CSMD2: variants seen among roughly 807,000 people sequenced by gnomAD.
CSMD2 encodes the protein CUB and sushi domain-containing protein 2.
A neutral mutation model predicts 398.5 loss-of-function variants in CSMD2; 130 were observed. That is an observed-to-expected ratio of 0.33 (90% CI 0.28 to 0.38). The LOEUF (loss-of-function observed/expected upper bound fraction) is 0.38, where lower values mean the gene tolerates loss of function less well. CSMD2 is among the 10% of genes least tolerant of loss of function. The pLI is 1.00. For missense variants in CSMD2, 3,829 were observed against 4,764.9 expected, an observed-to-expected ratio of 0.80 and a Z score of 5.78; for synonymous variants, 1,828 against 1,908.5, an observed-to-expected ratio of 0.96 and a Z score of 1.10.
rs1307866736 is a variant in CSMD2 at position 33,567,101 on chromosome 1, A to G, written c.8380+492T>C. 2.0e-5 allele frequency among the ~76,000 whole-genome samples: 3 copies of G among 151,846 alleles called. No individual in the cohort carries two copies. The East Asian group carries it at 5.8e-4, about 29-fold the overall frequency. On this transcript the variant is annotated intron_variant, in intron 53 of 70. Coordinates refer to ENST00000373381, the MANE Select transcript of CSMD2 (RefSeq NM_001281956.2). ...AAAATTAGAAATGAATAACACAATG[A>G]AAAAAAAGGGCCTTCCACCTAGAAA...
At chr1:33,866,856 T>G (rs1570330842) in intron 5 of CSMD2, among the ~76,000 whole-genome samples, 1 of 152,396 alleles carries the variant, frequency 6.6e-6, no homozygotes, top group Non-Finnish European at 1.5e-5. Flanking sequence ...CCTCATGTTC[T>G]TATCTGTGCA....
intron 44 of CSMD2, among the ~76,000 whole-genome samples, chr1:33,593,853 C>T (rs1223160588): frequency 2.0e-5 from 3 of 152,040 alleles, no homozygotes; most frequent in South Asian, 2.1e-4. Context: ...TTATGTTTTA[C>T]ATGTTTTTTC....
rs548229637 is a variant in CSMD2 at position 34,128,508 on chromosome 1, A to G, written c.187+36403T>C. On this transcript the variant is annotated intron_variant, in intron 1 of 70. Transcript: ENST00000373381. ...TGTCGAAGTGGTGGCAGCTCCACCA[A>G]AAGAGAAGACCTGGGTGTTCAAAGA... 3.9e-5 allele frequency among the ~76,000 whole-genome samples: 6 copies of G among 152,288 alleles called. No individual in the cohort carries two copies. In the South Asian group the frequency reaches 8.3e-4, roughly 21 times the overall value.
intron 1 of CSMD2, among the ~76,000 whole-genome samples, 164 bp from the exon 2 acceptor site, chr1:34,089,357 G>A (rs1053731830): frequency 6.6e-6 from 1 of 152,294 alleles, no homozygotes; most frequent in Non-Finnish European, 1.5e-5. Flanking sequence ...GGTGACTAAC[G>A]TTGATTGTCG....
intron 32 of CSMD2, among the ~76,000 whole-genome samples, chr1:33,630,288 A>AT (rs1326801301): frequency 6.6e-6 from 1 of 152,194 alleles, no homozygotes; most frequent in Non-Finnish European, 1.5e-5. Flanking sequence ...GGAGTTCCTG[A>AT]TTTACACTCT....
chr1:33,523,895 T>C (rs1028085995), intron 66 of CSMD2, among the ~76,000 whole-genome samples: 1 of 152,220 alleles, frequency 6.6e-6, no homozygotes, highest in Non-Finnish European at 1.5e-5. Flanking sequence ...TGTGCATTAA[T>C]ATGTTCATTC....
intron 2 of CSMD2, among the ~76,000 whole-genome samples, chr1:34,066,982 C>G (rs150252242): frequency 6.6e-6 from 1 of 152,160 alleles, no homozygotes; most frequent in Non-Finnish European, 1.5e-5. Flanking sequence ...TATTGGCAAG[C>G]CTGTCATGCC....
chr1:33,812,114 C>T (rs1250426387), intron 9 of CSMD2, among the ~76,000 whole-genome samples: 3 of 152,110 alleles, frequency 2.0e-5, no homozygotes, highest in African/African-American at 7.2e-5. Context: ...GCACTCATTC[C>T]TGCGCTTAGC....
chr1:33,541,006 A>G, intron 59 of CSMD2, 124 bp downstream of exon 59: 2 of 998,596 alleles, frequency 2.0e-6, no homozygotes, highest in Non-Finnish European at 1.5e-6. Flanking sequence ...CACCTTGCAC[A>G]TCCCCTGATA....
Position 33,833,790 on chromosome 1 carries a change from G to C in CSMD2, c.1034-8016C>G, listed in dbSNP as rs552028325. Among the ~76,000 whole-genome samples, 857 of 152,164 alleles carry C rather than the reference G, an allele frequency of 5.6e-3. 5 individuals are homozygous for C. Among genetic ancestry groups the C allele is most frequent in the Admixed American group, 9.2e-3 (140 of 15,284 alleles). On this transcript the variant is annotated intron_variant, in intron 6 of 70. Coordinates refer to ENST00000373381, the MANE Select transcript of CSMD2 (RefSeq NM_001281956.2). ...CCCAAAATCTCCTTAAGCTGATAAG[G>C]AACTTCAGCAGTCTCAGGATACAAA...
At chr1:33,809,930 T>G (rs1245332200) in intron 10 of CSMD2, among the ~76,000 whole-genome samples, 1 of 152,062 alleles carries the variant, frequency 6.6e-6, no homozygotes, top group African/African-American at 2.4e-5. Context: ...ATATAAGATA[T>G]TTAGGAGTAA....
At chr1:33,909,604 G>A (rs902054478) in intron 5 of CSMD2, among the ~76,000 whole-genome samples, 4 of 152,088 alleles carry the variant, frequency 2.6e-5, no homozygotes, top group Admixed American at 6.5e-5. Flanking sequence ...TTGAATGATT[G>A]AATGATGATG....
Position 33,546,165 on chromosome 1 carries a change from A to G in CSMD2, c.8972T>C (p.Leu2991Ser). Reference sequence around the variant, plus strand: ...AGTGCCTGGATCAAAGCTGTCCCCCAAACGGATGCCATGAGCCGGGATCCC... The same window carrying G: ...AGTGCCTGGATCAAAGCTGTCCCCCGAACGGATGCCATGAGCCGGGATCCC... Reference protein sequence around the residue: ...DPGIPAHGIRLGDSFDPGTVM... With the variant: ...DPGIPAHGIRSGDSFDPGTVM... The change falls in exon 57 of 71, where the codon TTG (leucine) becomes TCG (serine). Residue 2991 changes from leucine (L) to serine (S), a missense_variant. Leu to Ser is a moderately radical substitution (Grantham distance 145, BLOSUM62 -2). Coordinates refer to ENST00000373381, the MANE Select transcript of CSMD2 (RefSeq NM_001281956.2). The G allele has an allele frequency of 6.2e-7, 1 of 1,614,214 alleles. No homozygotes were observed. The highest frequency in any genetic ancestry group is 1.1e-5 in the South Asian group (1 of 91,076).
intron 20 of CSMD2, 66 bp from the exon 21 acceptor site, chr1:33,714,841 A>G (rs1646113978): frequency 6.6e-7 from 1 of 1,525,674 alleles, no homozygotes; most frequent in Non-Finnish European, 9.0e-7. Flanking sequence ...AAAAGATGGG[A>G]ACGCACAGGC....
intron 15 of CSMD2, among the ~76,000 whole-genome samples, chr1:33,736,014 G>A (rs2149236028): frequency 1.3e-5 from 2 of 152,180 alleles, no homozygotes; most frequent in East Asian, 3.9e-4. Context: ...CTCACACTCT[G>A]CCTGGCATGC....
intron 4 of CSMD2, among the ~76,000 whole-genome samples, chr1:33,921,473 C>G (rs1285658106): frequency 6.6e-6 from 1 of 152,226 alleles, no homozygotes; most frequent in South Asian, 2.1e-4. Context: ...TGGTCCCCAA[C>G]AGTCCTGTCA....
At chr1:33,589,664 G>A (rs1353501174) in intron 44 of CSMD2, among the ~76,000 whole-genome samples, 2 of 152,140 alleles carry the variant, frequency 1.3e-5, no homozygotes, top group South Asian at 4.1e-4. Flanking sequence ...TGACAAAACA[G>A]TGCCTCTGTG....
intron 2 of CSMD2, among the ~76,000 whole-genome samples, chr1:34,050,519 T>A (rs1338145864): frequency 1.3e-5 from 2 of 152,222 alleles, no homozygotes; most frequent in African/African-American, 2.4e-5. Flanking sequence ...AGCAGCTGGC[T>A]AGGTAGAACA....
chr1:33,902,020 T>C (rs1642791288), intron 5 of CSMD2, among the ~76,000 whole-genome samples: 1 of 152,008 alleles, frequency 6.6e-6, no homozygotes, highest in Admixed American at 6.6e-5. Context: ...CCCAGGAAAA[T>C]GGTTAAAAAT....
Sources: allele counts gnomAD v4.1 joint callset (sites outside exome capture counted in the v4.1 genomes callset), GRCh38; gene constraint gnomAD v4.1.1; transcripts MANE v1.5; gene names NCBI Gene and HGNC (gene_info 2026-07-23, HGNC 2026-07-21).